KPNA4: variants seen among roughly 807,000 people sequenced by gnomAD.
KPNA4 encodes the protein karyopherin subunit alpha 4, also known as importin subunit alpha-3.
KPNA4 carries 13 observed loss-of-function variants against 71.3 expected under a neutral mutation model. That is an observed-to-expected ratio of 0.18 (90% CI 0.12 to 0.29). KPNA4 has a LOEUF of 0.29. Among genes scored for constraint, KPNA4 ranks in the 10% least tolerant of loss-of-function variants. KPNA4 has a pLI of 1.00. For synonymous variants in KPNA4, 189 were observed against 195.2 expected (o/e 0.97, Z 0.26); for missense variants, 334 against 603.2 (o/e 0.55, Z 4.67).
intron 13 of KPNA4, among the ~76,000 whole-genome samples, chr3:160,513,529 T>G (rs967591764): frequency 6.6e-6 from 1 of 152,180 alleles, no homozygotes; most frequent in Non-Finnish European, 1.5e-5. Context: ...CCTCCCAGAC[T>G]GCTGGGATTA....
intron 1 of KPNA4, among the ~76,000 whole-genome samples, chr3:160,555,054 G>T (rs1373355770): frequency 6.6e-6 from 1 of 152,136 alleles, no homozygotes; most frequent in Non-Finnish European, 1.5e-5. Context: ...ACACTCCCAT[G>T]GGACTGAGCT....
At chr3:160,529,531 G>T (rs2108551487) in intron 7 of KPNA4, among the ~76,000 whole-genome samples, 1 of 152,096 alleles carries the variant, frequency 6.6e-6, no homozygotes, top group Admixed American at 6.6e-5. Context: ...TGATTATTTG[G>T]ATAACATCTT....
At chr3:160,559,026 G>A (rs1722194475) in intron 1 of KPNA4, among the ~76,000 whole-genome samples, 1 of 152,108 alleles carries the variant, frequency 6.6e-6, no homozygotes, top group African/African-American at 2.4e-5. Flanking sequence ...TCTACTTAAG[G>A]ACGACTGTCT....
At chr3:160,545,323 G>A (rs1194220330) in intron 1 of KPNA4, among the ~76,000 whole-genome samples, 2 of 152,192 alleles carry the variant, frequency 1.3e-5, no homozygotes, top group African/African-American at 4.8e-5. Context: ...GTATGCATGT[G>A]CATAGGAAAC....
intron 1 of KPNA4, among the ~76,000 whole-genome samples, chr3:160,556,816 G>A (rs1156980000): frequency 1.3e-5 from 2 of 152,142 alleles, no homozygotes; most frequent in Non-Finnish European, 2.9e-5. Flanking sequence ...GAGAAAAAAC[G>A]TGAACAAATT....
At chr3:160,546,070 A>G (rs1014844965) in intron 1 of KPNA4, among the ~76,000 whole-genome samples, 5 of 152,300 alleles carry the variant, frequency 3.3e-5, no homozygotes, top group African/African-American at 7.2e-5. Flanking sequence ...AAAGAGGCTG[A>G]GACTAAAAAT....
intron 10 of KPNA4, 62 bp from the exon 11 acceptor site, chr3:160,521,972 A>G: frequency 7.1e-7 from 1 of 1,408,222 alleles, no homozygotes; most frequent in Non-Finnish European, 9.8e-7. Flanking sequence ...GTAATTCTTG[A>G]CCAAACAACC....
intron 1 of KPNA4, among the ~76,000 whole-genome samples, chr3:160,543,583 T>G (rs996878356): frequency 8.5e-5 from 13 of 152,148 alleles, no homozygotes; most frequent in Non-Finnish European, 1.8e-4. Flanking sequence ...ATCACCCACC[T>G]TGGCCTCCCA....
chr3:160,526,671 A>G (rs1721466332), intron 8 of KPNA4, among the ~76,000 whole-genome samples: 1 of 152,242 alleles, frequency 6.6e-6, no homozygotes, highest in Non-Finnish European at 1.5e-5. Context: ...TTTGAGAACC[A>G]CTGCTGCAGA....
At chr3:160,505,346 C>T (rs1720963610) in intron 15 of KPNA4, among the ~76,000 whole-genome samples, 1 of 152,064 alleles carries the variant, frequency 6.6e-6, no homozygotes, top group Non-Finnish European at 1.5e-5. Context: ...ATGTTTATAA[C>T]CAGCAATAAC....
At chr3:160,560,097 C>G (rs1722211422) in intron 1 of KPNA4, among the ~76,000 whole-genome samples, 1 of 152,080 alleles carries the variant, frequency 6.6e-6, no homozygotes, top group Admixed American at 6.5e-5. Flanking sequence ...ACCTATTATA[C>G]CCCGTGGACT....
intron 1 of KPNA4, among the ~76,000 whole-genome samples, chr3:160,555,140 G>A (rs184674834): frequency 3.9e-5 from 6 of 152,316 alleles, no homozygotes; most frequent in Admixed American, 2.6e-4. Context: ...CCCAGCAGGC[G>A]TCCGTTGCAG....
chr3:160,547,222 A>T (rs1721931734), intron 1 of KPNA4, among the ~76,000 whole-genome samples: 1 of 152,222 alleles, frequency 6.6e-6, no homozygotes, highest in African/African-American at 2.4e-5. Flanking sequence ...TAAAAATCTT[A>T]AAGTGTTATG....
intron 1 of KPNA4, among the ~76,000 whole-genome samples, chr3:160,548,744 A>G (rs1435335044): frequency 6.6e-6 from 1 of 152,192 alleles, no homozygotes; most frequent in Non-Finnish European, 1.5e-5. Context: ...AAATGCTGCT[A>G]CTATAAACTA....
intron 16 of KPNA4, among the ~76,000 whole-genome samples, chr3:160,503,919 C>T (rs1720932596): frequency 6.6e-6 from 1 of 152,010 alleles, no homozygotes; most frequent in Admixed American, 6.6e-5. Flanking sequence ...CTTGTCTCTA[C>T]AAAAGACTTA....
At chr3:160,531,159 A>G (rs1721567703) in intron 6 of KPNA4, among the ~76,000 whole-genome samples, 1 of 152,192 alleles carries the variant, frequency 6.6e-6, no homozygotes, top group African/African-American at 2.4e-5. Flanking sequence ...TTAGTAAGAA[A>G]TCTTTTTTAA....
rs1392748425 is a variant in KPNA4, at chr3:160,495,775, G to A, written c.*6329C>T. On this transcript the variant is annotated 3_prime_UTR_variant, in exon 17 of 17. Coordinates refer to ENST00000334256, the MANE Select transcript of KPNA4 (RefSeq NM_002268.5). ...TCGGCAAGTAAAAATGTAAGTGAAG[G>A]TAGGAAATACCTAGAATACATGATG... 1 of 151,330 alleles carries A rather than the reference G, an allele frequency of 6.6e-6. No individual in the cohort carries two copies. The highest frequency in any genetic ancestry group is 1.5e-5 in the Non-Finnish European group (1 of 67,918). The allele number at this position is 151,330 out of a possible 1,614,324, so 9.4% of individuals were successfully genotyped here. A position where few individuals can be genotyped will look rare whatever the true frequency, so the allele number is the denominator to read the frequency against.
intron 16 of KPNA4, among the ~76,000 whole-genome samples, chr3:160,504,288 G>C (rs1472212531): frequency 1.3e-5 from 2 of 152,110 alleles, no homozygotes; most frequent in Non-Finnish European, 1.5e-5. Flanking sequence ...GGAAAGGCAT[G>C]CAGTAAAAGA....
In KPNA4 at chr3:160,498,020, A is replaced by C. The variant is rs1323867023; in HGVS notation, c.*4084T>G. On this transcript the variant is annotated 3_prime_UTR_variant, in exon 17 of 17. Transcript: ENST00000334256. ...TTGCATTGGTTCACAAATTTAAATG[A>C]ATTTAGATTACCTTTAGAATAGTAA... The C allele has an allele frequency of 6.6e-6, 1 of 152,170 alleles. No homozygotes were observed. Among genetic ancestry groups the C allele is most frequent in the Non-Finnish European group, 1.5e-5 (1 of 68,028 alleles). 9.4% of individuals were successfully genotyped at this position (152,170 alleles called of 1,614,324 possible).
Sources: allele counts gnomAD v4.1 joint callset (sites outside exome capture counted in the v4.1 genomes callset), GRCh38; gene constraint gnomAD v4.1.1; transcripts MANE v1.5; gene names NCBI Gene and HGNC (gene_info 2026-07-23, HGNC 2026-07-21).